CDH18: variants seen among roughly 807,000 people sequenced by gnomAD.
CDH18 encodes cadherin-18.
CDH18 carries 31 observed loss-of-function variants against 67.9 expected under a neutral mutation model. The observed-to-expected ratio is 0.46, with a 90% CI of 0.34 to 0.62. CDH18 has a LOEUF of 0.62. CDH18 is among the 20% of genes least tolerant of loss of function. The pLI is 0.01. For synonymous variants in CDH18, 362 were observed against 347.2 expected (o/e 1.04, Z -0.48); for missense variants, 890 against 975.5 (o/e 0.91, Z 1.17).
At chr5:20,025,701 T>C (rs1738834473) in intron 2 of CDH18, among the ~76,000 whole-genome samples, 1 of 152,232 alleles carries the variant, frequency 6.6e-6, no homozygotes, top group African/African-American at 2.4e-5. Context: ...CATTTTTAAA[T>C]ACTATAATTT....
At chr5:20,419,393 C>T (rs928860196) in intron 1 of CDH18, among the ~76,000 whole-genome samples, 6 of 151,098 alleles carry the variant, frequency 4.0e-5, no homozygotes, top group African/African-American at 1.5e-4. Flanking sequence ...TCTCAGACTT[C>T]CAGCCTCCAG....
At chr5:20,299,424 ACAC>A in intron 1 of CDH18, among the ~76,000 whole-genome samples, 1 of 151,444 alleles carries the variant, frequency 6.6e-6, no homozygotes, top group Admixed American at 6.6e-5. Context: ...ACACACACAC[ACAC>A]ACACACACAC....
At chr5:19,511,135 T>C (rs769792467) in intron 10 of CDH18, among the ~76,000 whole-genome samples, 6 of 152,048 alleles carry the variant, frequency 3.9e-5, no homozygotes, top group Non-Finnish European at 7.4e-5. Context: ...TATAAGCAGC[T>C]CATCCCCCAT....
At chr5:20,564,662 A>G (rs1758403966) in intron 1 of CDH18, among the ~76,000 whole-genome samples, 1 of 152,174 alleles carries the variant, frequency 6.6e-6, no homozygotes, top group Admixed American at 6.6e-5. Context: ...CTTTTGCATA[A>G]CATCTTGCAT....
chr5:19,670,153 C>A (rs376732309), intron 5 of CDH18, among the ~76,000 whole-genome samples: 2 of 151,638 alleles, frequency 1.3e-5, no homozygotes, highest in Non-Finnish European at 2.9e-5. Flanking sequence ...ATAGAACTAG[C>A]AGGAAAGGAA....
At chr5:20,044,384 T>C (rs987667465) in intron 2 of CDH18, among the ~76,000 whole-genome samples, 1 of 152,166 alleles carries the variant, frequency 6.6e-6, no homozygotes, top group African/African-American at 2.4e-5. Flanking sequence ...TAAATAATTA[T>C]AATAGACATG....
chr5:20,445,427 G>A (rs1215001675), intron 1 of CDH18, among the ~76,000 whole-genome samples: 4 of 152,160 alleles, frequency 2.6e-5, no homozygotes, highest in Non-Finnish European at 4.4e-5. Flanking sequence ...ATACTTTACA[G>A]TGTAAAAGAA....
intron 4 of CDH18, among the ~76,000 whole-genome samples, chr5:19,730,426 G>A (rs1352821142): frequency 6.6e-6 from 1 of 152,158 alleles, no homozygotes; most frequent in East Asian, 1.9e-4. Flanking sequence ...GTTAGTACAA[G>A]TTGAATATCT....
At chr5:20,137,899 G>A (rs556808777) in intron 2 of CDH18, among the ~76,000 whole-genome samples, 3 of 152,162 alleles carry the variant, frequency 2.0e-5, no homozygotes, top group South Asian at 2.1e-4. Context: ...AGAGGAGCTG[G>A]TACCATTCCT....
intron 2 of CDH18, among the ~76,000 whole-genome samples, chr5:20,226,100 A>T (rs1238480771): frequency 6.6e-6 from 1 of 152,076 alleles, no homozygotes; most frequent in African/African-American, 2.4e-5. Context: ...TTTGAGTCGG[A>T]AATCTTTATT....
chr5:20,268,061 G>A lies in CDH18; in HGVS notation c.-579-12556C>T, dbSNP rs533647526. Among the ~76,000 whole-genome samples, 4 of 152,078 alleles carry A rather than the reference G, an allele frequency of 2.6e-5. No individual in the cohort carries two copies. The South Asian group carries it at 8.3e-4, about 32-fold the overall frequency. On this transcript the variant is annotated intron_variant, in intron 1 of 14. Transcript: ENST00000507958. ...TGACAACATACTGCATTTATTTTTTGTTCCTGCATTAATTTGCTTAGGATA... is the reference window on the plus strand; with the variant it reads ...TGACAACATACTGCATTTATTTTTTATTCCTGCATTAATTTGCTTAGGATA...
At chr5:20,319,170 A>AT (rs1174124587) in intron 1 of CDH18, among the ~76,000 whole-genome samples, 1 of 152,102 alleles carries the variant, frequency 6.6e-6, no homozygotes, top group Non-Finnish European at 1.5e-5. Flanking sequence ...TTTTTCTGTC[A>AT]TTTCTTTGCT....
intron 2 of CDH18, among the ~76,000 whole-genome samples, chr5:20,141,970 A>G (rs1040018435): frequency 2.0e-5 from 3 of 151,990 alleles, no homozygotes; most frequent in Admixed American, 2.0e-4. Flanking sequence ...GCTATTATAT[A>G]GGAAGTTGAA....
At chr5:20,330,345 G>A (rs1197648345) in intron 1 of CDH18, among the ~76,000 whole-genome samples, 3 of 152,022 alleles carry the variant, frequency 2.0e-5, no homozygotes, top group East Asian at 3.9e-4. Flanking sequence ...GACAAGAGAG[G>A]GACCCCTGCC....
intron 2 of CDH18, among the ~76,000 whole-genome samples, chr5:20,164,478 C>T (rs898591734): frequency 4.0e-4 from 61 of 150,838 alleles, no homozygotes; most frequent in African/African-American, 1.4e-3. Flanking sequence ...TTAGTAGAGA[C>T]GAGTTTATCT....
At chr5:20,557,735 C>T (rs925170043) in intron 1 of CDH18, among the ~76,000 whole-genome samples, 3 of 151,764 alleles carry the variant, frequency 2.0e-5, no homozygotes, top group Non-Finnish European at 4.4e-5. Flanking sequence ...ACATCTGGTG[C>T]GTGGACCTAG....
chr5:19,986,568 C>G (rs903603725), intron 1 of CDH18, among the ~76,000 whole-genome samples: 1 of 152,148 alleles, frequency 6.6e-6, no homozygotes, highest in Admixed American at 6.5e-5. Context: ...AAATACTCAC[C>G]AAGGTGCACT....
intron 2 of CDH18, among the ~76,000 whole-genome samples, chr5:19,898,254 A>G (rs1397078234): frequency 1.3e-5 from 2 of 152,000 alleles, no homozygotes; most frequent in Non-Finnish European, 2.9e-5. Flanking sequence ...TATTCCTTTA[A>G]GAACAGCTTT....
intron 1 of CDH18, among the ~76,000 whole-genome samples, chr5:20,436,645 T>C (rs1028881995): frequency 6.6e-6 from 1 of 151,328 alleles, no homozygotes; most frequent in Non-Finnish European, 1.5e-5. Flanking sequence ...TATATATGAA[T>C]ACATACATAT....
Sources: allele counts gnomAD v4.1 joint callset (sites outside exome capture counted in the v4.1 genomes callset), GRCh38; gene constraint gnomAD v4.1.1; transcripts MANE v1.5; gene names NCBI Gene and HGNC (gene_info 2026-07-23, HGNC 2026-07-21).